Variants in TYW1B observed in about 807,000 individuals in gnomAD.
TYW1B encodes the protein S-adenosyl-L-methionine-dependent tRNA 4-demethylwyosine synthase TYW1B.
Under a neutral mutation model 86.9 loss-of-function variants are expected in TYW1B, and 73 were observed. The observed-to-expected ratio is 0.84, with a 90% CI of 0.70 to 1.02. The LOEUF (loss-of-function observed/expected upper bound fraction) is 1.02, where lower values mean the gene tolerates loss of function less well. TYW1B is among the 50% of genes least tolerant of loss of function. TYW1B has a pLI of 0.00. For missense variants in TYW1B, 637 were observed against 827.4 expected (o/e 0.77, Z 2.82); for synonymous variants, 248 against 292.8 (o/e 0.85, Z 1.56).
intron 11 of TYW1B, among the ~76,000 whole-genome samples, chr7:72,660,042 T>C (rs1267504393): frequency 3.3e-5 from 5 of 152,110 alleles, no homozygotes; most frequent in African/African-American, 1.2e-4. Context: ...ACTCTGCCAG[T>C]GTGGCAGGAA....
At chr7:72,711,839 T>G (rs561068289) in intron 10 of TYW1B, among the ~76,000 whole-genome samples, 5 of 124,894 alleles carry the variant, frequency 4.0e-5, no homozygotes, top group Admixed American at 8.6e-5. Flanking sequence ...CGAAACAAAC[T>G]TGAATTCAAA....
chr7:72,771,085 C>T (rs1258371088), intron 7 of TYW1B, among the ~76,000 whole-genome samples: 2 of 150,916 alleles, frequency 1.3e-5, no homozygotes, highest in Non-Finnish European at 1.5e-5. Flanking sequence ...GCCTCAGCCT[C>T]TCGAATAGCT....
intron 3 of TYW1B, among the ~76,000 whole-genome samples, chr7:72,815,068 C>CA (rs576240918): frequency 0.033 from 2,352 of 71,974 alleles, 96 homozygotes; most frequent in East Asian, 0.087. Flanking sequence ...GACTCCATCT[C>CA]AAAAAAAAAA....
At chr7:72,577,193 C>CAAA (rs35445348) in intron 13 of TYW1B, among the ~76,000 whole-genome samples, 1 of 130,760 alleles carries the variant, frequency 7.6e-6, no homozygotes, top group African/African-American at 2.9e-5. Flanking sequence ...GTTCTAGCCA[C>CAAA]AAAAAAAAAA....
chr7:72,766,571 G>A lies in TYW1B; in HGVS notation c.964+10845C>T, dbSNP rs574506929. Among the ~76,000 whole-genome samples the A allele has an allele frequency of 3.7e-3, 438 of 117,598 alleles. 1 individual carries two copies. Among genetic ancestry groups the A allele is most frequent in the Non-Finnish European group, 5.3e-3 (321 of 60,720 alleles). 77.1% of individuals were successfully genotyped at this position (117,598 alleles called of 152,430 possible). A position where few individuals can be genotyped will look rare whatever the true frequency, so the allele number is the denominator to read the frequency against. ...AGAGGTTGCCGTGAGCCAAGATCAC[G>A]CCACTGTACACCAGCCTGGGCAACA... On this transcript the variant is annotated intron_variant, in intron 7 of 13. Coordinates refer to ENST00000620995, the MANE Select transcript of TYW1B (RefSeq NM_001145440.3).
intron 13 of TYW1B, among the ~76,000 whole-genome samples, chr7:72,586,568 C>T (rs1224426381): frequency 1.3e-5 from 2 of 152,096 alleles, no homozygotes; most frequent in Non-Finnish European, 2.9e-5. Flanking sequence ...GAAACCCCGT[C>T]TCTACTAAAA....
intron 6 of TYW1B, among the ~76,000 whole-genome samples, chr7:72,788,018 C>T (rs1251722490): frequency 6.6e-6 from 1 of 151,904 alleles, no homozygotes; most frequent in African/African-American, 2.4e-5. Flanking sequence ...CACACTGTCG[C>T]CCAGGCTGGA....
At chr7:72,674,962 A>T (rs1490596227) in intron 11 of TYW1B, among the ~76,000 whole-genome samples, 1 of 152,090 alleles carries the variant, frequency 6.6e-6, no homozygotes, top group Non-Finnish European at 1.5e-5. Flanking sequence ...GTACCAAAAA[A>T]TAAGGGATGA....
chr7:72,700,473 C>T (rs1554452315), intron 10 of TYW1B, among the ~76,000 whole-genome samples: 1 of 151,704 alleles, frequency 6.6e-6, no homozygotes, highest in African/African-American at 2.4e-5. Context: ...ACGCCTGGAC[C>T]TTTCTTTGAT....
intron 9 of TYW1B, among the ~76,000 whole-genome samples, chr7:72,716,947 C>T (rs1786799810): frequency 6.7e-6 from 1 of 150,206 alleles, no homozygotes; most frequent in Non-Finnish European, 1.5e-5. Flanking sequence ...CTCACAAACT[C>T]ACAAACAGGG....
intron 10 of TYW1B, among the ~76,000 whole-genome samples, chr7:72,708,216 T>A (rs1306171437): frequency 6.6e-6 from 1 of 152,112 alleles, no homozygotes; most frequent in African/African-American, 2.4e-5. Context: ...AAAAAGCCAC[T>A]AGCCTGAATA....
At chr7:72,647,015 A>C (rs1429677137) in intron 11 of TYW1B, among the ~76,000 whole-genome samples, 11 of 152,326 alleles carry the variant, frequency 7.2e-5, no homozygotes, top group Non-Finnish European at 8.8e-5. Context: ...TTTTAATTTC[A>C]ATGATTTATC....
intron 12 of TYW1B, among the ~76,000 whole-genome samples, chr7:72,626,927 T>C (rs1222539200): frequency 1.3e-5 from 2 of 151,918 alleles, no homozygotes; most frequent in Non-Finnish European, 2.9e-5. Context: ...CTAGTGCACC[T>C]ATATTTACAA....
chr7:72,606,022 A>G (rs1450841157), intron 13 of TYW1B, among the ~76,000 whole-genome samples: 1 of 152,092 alleles, frequency 6.6e-6, no homozygotes, highest in Non-Finnish European at 1.5e-5. Flanking sequence ...AGAGGATATT[A>G]CATATAAGGC....
At chr7:72,761,390 T>C (rs1787682882) in intron 7 of TYW1B, among the ~76,000 whole-genome samples, 1 of 152,044 alleles carries the variant, frequency 6.6e-6, no homozygotes, top group African/African-American at 2.4e-5. Context: ...ATATAAGGTA[T>C]GTTTTTAATA....
intron 9 of TYW1B, among the ~76,000 whole-genome samples, chr7:72,715,450 TA>T (rs1349144438): frequency 1.1e-4 from 17 of 152,128 alleles, no homozygotes; most frequent in Admixed American, 1.1e-3. Context: ...TAGAAGGCAT[TA>T]AGAGATATGC....
intron 10 of TYW1B, among the ~76,000 whole-genome samples, chr7:72,710,618 G>A (rs1384582444): frequency 1.3e-5 from 2 of 152,158 alleles, no homozygotes; most frequent in Non-Finnish European, 2.9e-5. Context: ...TTGAGGTCAG[G>A]AGTTTGAAAC....
At chr7:72,653,925 C>A (rs1243464185) in intron 11 of TYW1B, among the ~76,000 whole-genome samples, 5 of 151,546 alleles carry the variant, frequency 3.3e-5, no homozygotes, top group Admixed American at 2.0e-4. Flanking sequence ...ATTAAAAATA[C>A]AAAAATTAGC....
intron 2 of TYW1B, among the ~76,000 whole-genome samples, chr7:72,825,006 G>A (rs1554481183): frequency 6.6e-6 from 1 of 151,638 alleles, no homozygotes; most frequent in Non-Finnish European, 1.5e-5. Flanking sequence ...AGGAGGCTGA[G>A]GTGGGAGGAT....
Sources: gnomAD v4.1 joint callset for allele counts (sites outside exome capture counted in the v4.1 genomes callset) on GRCh38, gnomAD v4.1.1 for gene constraint, MANE v1.5 for transcripts, NCBI Gene and HGNC (gene_info 2026-07-23, HGNC 2026-07-21) for gene names.